The following RDH11 variants were observed in gnomAD, a reference collection of about 807,000 sequenced individuals.
RDH11 encodes the protein HCV core-binding protein HCBP12.
A neutral mutation model predicts 33.4 loss-of-function variants in RDH11; 19 were observed. The observed-to-expected ratio is 0.57, with a 90% CI of 0.40 to 0.83. The LOEUF is 0.83. Among genes scored for constraint, RDH11 ranks in the 40% least tolerant of loss-of-function variants. RDH11 has a pLI of 0.00. For synonymous variants in RDH11, 154 were observed against 155.3 expected, an observed-to-expected ratio of 0.99 and a Z score of 0.06; for missense variants, 353 against 389.0, an observed-to-expected ratio of 0.91 and a Z score of 0.78.
At chr14:67,690,537 C>T in intron 4 of RDH11, 116 bp from the exon 5 acceptor site, 3 of 817,794 alleles carry the variant, frequency 3.7e-6, no homozygotes, top group Non-Finnish European at 5.9e-6. Context: ...TCTTTCCCTC[C>T]AACTTTTCAT....
At chr14:67,689,715 G>A (rs2037725036) in intron 5 of RDH11, among the ~76,000 whole-genome samples, 1 of 152,132 alleles carries the variant, frequency 6.6e-6, no homozygotes, top group African/African-American at 2.4e-5. Flanking sequence ...AGGCCAAGGT[G>A]GGTGGATCAC....
chr14:67,687,554 C>G (rs2037695971), intron 5 of RDH11, among the ~76,000 whole-genome samples: 1 of 149,586 alleles, frequency 6.7e-6, no homozygotes, highest in African/African-American at 2.5e-5. Flanking sequence ...TCACCACAAC[C>G]TCTGCCTCCC....
At chr14:67,679,646 C>T (rs1352195330) in intron 6 of RDH11, among the ~76,000 whole-genome samples, 2 of 152,144 alleles carry the variant, frequency 1.3e-5, no homozygotes, top group East Asian at 3.9e-4. Context: ...TCAAGTGATC[C>T]ACCTGCCTCG....
At chr14:67,695,060 T>A (rs2037811969) in intron 1 of RDH11, among the ~76,000 whole-genome samples, 1 of 152,200 alleles carries the variant, frequency 6.6e-6, no homozygotes, top group Non-Finnish European at 1.5e-5. Flanking sequence ...AGATCCCCCG[T>A]GCTCCTGCTC....
At chr14:67,691,299 T>C in intron 3 of RDH11, 55 bp from the exon 4 acceptor site, 1 of 1,226,856 alleles carries the variant, frequency 8.2e-7, no homozygotes. Flanking sequence ...TATTACATCT[T>C]AGAAAGCTGC....
intron 6 of RDH11, among the ~76,000 whole-genome samples, chr14:67,684,286 T>G (rs2037649207): frequency 6.6e-6 from 1 of 152,132 alleles, no homozygotes; most frequent in Non-Finnish European, 1.5e-5. Context: ...AACAATAACC[T>G]GAAGTAGAGG....
chr14:67,686,415 G>C (rs1454789948), intron 5 of RDH11, among the ~76,000 whole-genome samples: 1 of 152,134 alleles, frequency 6.6e-6, no homozygotes, highest in Non-Finnish European at 1.5e-5. Flanking sequence ...AAGGCAGGTG[G>C]ACTGCCTGAG....
chr14:67,692,132 T>C (rs2037757769), intron 3 of RDH11: 2 of 256,352 alleles, frequency 7.8e-6, no homozygotes, highest in Non-Finnish European at 7.5e-6. Flanking sequence ...CCTCATCTCC[T>C]ATCCCTGTGT....
intron 1 of RDH11, among the ~76,000 whole-genome samples, chr14:67,693,928 G>T (rs1166780500): frequency 6.6e-6 from 1 of 152,252 alleles, no homozygotes. Flanking sequence ...TGGGATTACA[G>T]GTGTGAGTCA....
intron 3 of RDH11, 56 bp downstream of exon 3, chr14:67,692,382 A>C: frequency 1.3e-6 from 2 of 1,578,624 alleles, no homozygotes; most frequent in African/African-American, 2.7e-5. Context: ...CTTTTAGTTG[A>C]ATCTGCCATG....
At position 67,691,260 on chromosome 14, in the gene RDH11, G is replaced by A. The variant is rs758602861; in HGVS notation, c.350-16C>T. 99 of 1,588,832 alleles carry A rather than the reference G, an allele frequency of 6.2e-5. No homozygotes were observed. Among genetic ancestry groups the A allele is most frequent in the Non-Finnish European group, 8.0e-5 (93 of 1,158,142 alleles). Reference sequence around the variant, plus strand: ...TGCTTTTCCTCTGCAGGGACAAGACGATGGAGCGTGGAAGTGGCTAGCCAA... The same window carrying A: ...TGCTTTTCCTCTGCAGGGACAAGACAATGGAGCGTGGAAGTGGCTAGCCAA... On this transcript the variant is annotated splice_polypyrimidine_tract_variant and intron_variant, in intron 3 of 6. Transcript: ENST00000381346.
intron 5 of RDH11, among the ~76,000 whole-genome samples, chr14:67,686,913 G>A (rs1751150241): frequency 6.6e-6 from 1 of 152,156 alleles, no homozygotes; most frequent in African/African-American, 2.4e-5. Flanking sequence ...ACTGACAGCT[G>A]CAGACACAGC....
intron 1 of RDH11, 104 bp downstream of exon 1, chr14:67,695,526 G>GC (rs890103294): frequency 6.6e-5 from 75 of 1,140,186 alleles, no homozygotes; most frequent in South Asian, 6.4e-5. Context: ...CCATCTTGGA[G>GC]CCCCCCCAGG....
intron 6 of RDH11, among the ~76,000 whole-genome samples, chr14:67,681,915 C>T (rs2037620735): frequency 6.6e-6 from 1 of 152,182 alleles, no homozygotes; most frequent in East Asian, 1.9e-4. Context: ...CTTAGTCCCT[C>T]TGCCTTCATG....
intron 3 of RDH11, chr14:67,691,937 C>T (rs138783544): frequency 7.7e-4 from 118 of 154,100 alleles, no homozygotes; most frequent in Non-Finnish European, 1.3e-3. Context: ...GATGCCAGCT[C>T]GGGTTCTAAT....
chr14:67,690,309 G>A lies in RDH11; in HGVS notation c.567C>T (p.Asn189=). ...AHHLGRIHFH[N]LQGEKFYNAG... ...CATTGTAGAATTTCTCGCCCTGCAG[G>A]TTATGGAAGTGGATCCTTCCCAGGT... The change falls in exon 5 of 7, where the codon AAC becomes AAT. Residue 189 remains asparagine (N), a synonymous_variant. Coordinates refer to ENST00000381346, the MANE Select transcript of RDH11 (RefSeq NM_016026.4). The A allele has an allele frequency of 3.1e-6, 5 of 1,614,180 alleles. No homozygotes were observed. The highest frequency in any genetic ancestry group is 4.2e-6 in the Non-Finnish European group (5 of 1,180,014).
rs186591725 is a variant in RDH11, at chr14:67,691,254, C to T, written c.350-10G>A. The T allele has an allele frequency of 1.4e-3, 2,290 of 1,602,554 alleles. 4 individuals are homozygous for T. Among genetic ancestry groups the T allele is most frequent in the Non-Finnish European group, 1.8e-3 (2,055 of 1,170,120 alleles). ...TGGAGGTGCTTTTCCTCTGCAGGGA[C>T]AAGACGATGGAGCGTGGAAGTGGCT... On this transcript the variant is annotated splice_polypyrimidine_tract_variant and intron_variant, in intron 3 of 6. Coordinates refer to ENST00000381346, the MANE Select transcript of RDH11 (RefSeq NM_016026.4).
At chr14:67,687,704 C>T (rs745335931) in intron 5 of RDH11, among the ~76,000 whole-genome samples, 10 of 151,784 alleles carry the variant, frequency 6.6e-5, no homozygotes, top group Non-Finnish European at 1.0e-4. Flanking sequence ...CTCCTGACCT[C>T]AGGTGATCTA....
rs376457066 is a variant in RDH11, at chr14:67,690,435, C to G, written c.455-14G>C. On this transcript the variant is annotated splice_polypyrimidine_tract_variant and intron_variant, in intron 4 of 6. Coordinates refer to ENST00000381346, the MANE Select transcript of RDH11 (RefSeq NM_016026.4). ...GGAGGAAGTGACCTGTTGAGAAATA[C>G]TAGAATTAATGAAGTTCAGGGCCAT... 1.4e-4 allele frequency: 225 copies of G among 1,611,520 alleles called. No homozygotes were observed. The African/African-American group carries it at 2.3e-3, about 17-fold the overall frequency.
Sources: allele counts gnomAD v4.1 joint callset (sites outside exome capture counted in the v4.1 genomes callset), GRCh38; gene constraint gnomAD v4.1.1; transcripts MANE v1.5; gene names NCBI Gene and HGNC (gene_info 2026-07-23, HGNC 2026-07-21).